Variants in STPG2 observed in about 807,000 individuals in gnomAD.
STPG2 encodes sperm tail PG-rich repeat containing 2.
STPG2 carries 56 observed loss-of-function variants against 54.2 expected under a neutral mutation model. The ratio of observed to expected loss-of-function variants is 1.03; its 90% CI spans 0.83 to 1.29. The LOEUF is 1.29. Among genes scored for constraint, STPG2 ranks in the 50% most tolerant of loss-of-function variants. The pLI is 0.00. For synonymous variants in STPG2, 200 were observed against 181.8 expected, an observed-to-expected ratio of 1.10 and a Z score of -0.81; for missense variants, 596 against 544.9, an observed-to-expected ratio of 1.09 and a Z score of -0.93.
intron 5 of STPG2, among the ~76,000 whole-genome samples, chr4:98,095,222 T>G (rs1738817316): frequency 6.6e-6 from 1 of 151,958 alleles, no homozygotes; most frequent in African/African-American, 2.4e-5. Flanking sequence ...AGAAAATCAC[T>G]TCCACGAAAA....
intron 5 of STPG2, among the ~76,000 whole-genome samples, chr4:98,065,059 C>A (rs1056639926): frequency 6.6e-6 from 1 of 151,968 alleles, no homozygotes; most frequent in Non-Finnish European, 1.5e-5. Context: ...GCCACTAAGA[C>A]CAGCTAATTT....
At chr4:97,661,949 T>C (rs4324551) in intron 10 of STPG2, among the ~76,000 whole-genome samples, 21,088 of 152,132 alleles carry the variant, frequency 0.14, 4,250 homozygotes, top group African/African-American at 0.44. Context: ...TATTGGAGTA[T>C]AGAAGTTCTA....
At chr4:97,584,287 A>G (rs72889099) in intron 10 of STPG2, among the ~76,000 whole-genome samples, 20,163 of 151,940 alleles carry the variant, frequency 0.13, 4,122 homozygotes, top group African/African-American at 0.44. Flanking sequence ...GGATCTTTGC[A>G]TCAACAATGA....
chr4:97,497,845 C>T (rs1730642980), intron 4 of STPG2, among the ~76,000 whole-genome samples: 1 of 151,796 alleles, frequency 6.6e-6, no homozygotes, highest in Non-Finnish European at 1.5e-5. Flanking sequence ...CATACACATT[C>T]TTCTGATGCC....
chr4:97,848,916 C>T (rs1471848619), intron 8 of STPG2, among the ~76,000 whole-genome samples: 10 of 150,262 alleles, frequency 6.7e-5, no homozygotes, highest in Admixed American at 3.3e-4. Context: ...TGTAGTATAG[C>T]TTGAAGTCAG....
intron 4 of STPG2, among the ~76,000 whole-genome samples, chr4:97,467,837 C>T (rs1270254830): frequency 6.8e-6 from 1 of 147,870 alleles, no homozygotes; most frequent in Non-Finnish European, 1.5e-5. Flanking sequence ...ATTAAAGCTG[C>T]TTTTGCTTTT....
At chr4:97,913,098 C>T (rs1022253375) in intron 8 of STPG2, among the ~76,000 whole-genome samples, 13 of 152,206 alleles carry the variant, frequency 8.5e-5, no homozygotes, top group Middle Eastern at 3.4e-3. Flanking sequence ...CAGCTTTATT[C>T]TGAAAATAGT....
chr4:97,803,058 G>A (rs59836368), intron 9 of STPG2, among the ~76,000 whole-genome samples: 19,426 of 151,992 alleles, frequency 0.13, 1,899 homozygotes, highest in African/African-American at 0.26. Context: ...GATTGTGCCA[G>A]GAATAAGAAA....
At chr4:97,547,023 AT>A (rs941294912) in intron 4 of STPG2, among the ~76,000 whole-genome samples, 1 of 152,172 alleles carries the variant, frequency 6.6e-6, no homozygotes, top group Non-Finnish European at 1.5e-5. Context: ...TTTAAAAAAA[AT>A]ATTTTTCAAG....
intron 7 of STPG2, among the ~76,000 whole-genome samples, chr4:97,967,689 C>T (rs542196085): frequency 1.3e-5 from 2 of 152,298 alleles, no homozygotes; most frequent in South Asian, 4.1e-4. Context: ...CAAATTAGAA[C>T]TCAGGATTAA....
chr4:98,060,617 A>G (rs10032987), intron 5 of STPG2, among the ~76,000 whole-genome samples: 2 of 152,040 alleles, frequency 1.3e-5, no homozygotes, highest in South Asian at 2.1e-4. Flanking sequence ...AGGCAATCCT[A>G]AGCAAAAAGA....
intron 5 of STPG2, among the ~76,000 whole-genome samples, chr4:98,006,496 T>G (rs1278291829): frequency 1.3e-5 from 2 of 152,188 alleles, no homozygotes; most frequent in African/African-American, 4.8e-5. Flanking sequence ...CAGCCTCATA[T>G]CAAGCTGGGA....
rs371492076 is a variant in STPG2 at position 98,133,975 on chromosome 4, A to T, written c.222+372T>A. Among the ~76,000 whole-genome samples, 16 of 152,106 alleles carry T rather than the reference A, an allele frequency of 1.1e-4. 1 individual carries two copies. Among genetic ancestry groups the T allele is most frequent in the African/African-American group, 3.8e-4 (16 of 41,578 alleles). ...GACAGATGAGACAATGGCAATGGCT[A>T]TAGCTTTAAAGCATGGCACAAAAAC... On this transcript the variant is annotated intron_variant, in intron 2 of 10. Transcript: ENST00000295268.
chr4:97,638,370 A>G, intron 10 of STPG2, among the ~76,000 whole-genome samples: 1 of 152,176 alleles, frequency 6.6e-6, no homozygotes, highest in Non-Finnish European at 1.5e-5. Context: ...CTTAAACATT[A>G]GACCTAAAAC....
At chr4:97,679,295 C>T (rs1033896881) in intron 10 of STPG2, among the ~76,000 whole-genome samples, 10 of 151,820 alleles carry the variant, frequency 6.6e-5, no homozygotes, top group African/African-American at 2.4e-4. Flanking sequence ...CTGTTGTTTC[C>T]TGACTTTTTA....
intron 9 of STPG2, among the ~76,000 whole-genome samples, chr4:97,726,628 C>T (rs1336919339): frequency 4.6e-5 from 7 of 151,876 alleles, no homozygotes; most frequent in Non-Finnish European, 1.0e-4. Flanking sequence ...AAGATTATGG[C>T]TTTGGTGCCA....
intron 9 of STPG2, among the ~76,000 whole-genome samples, chr4:97,730,220 G>T (rs1026977823): frequency 6.6e-6 from 1 of 152,068 alleles, no homozygotes; most frequent in Non-Finnish European, 1.5e-5. Flanking sequence ...TGTACCCAGT[G>T]TTTAAATCCC....
intron 8 of STPG2, among the ~76,000 whole-genome samples, chr4:97,931,681 T>A (rs1203621369): frequency 6.6e-6 from 1 of 151,960 alleles, no homozygotes; most frequent in Non-Finnish European, 1.5e-5. Context: ...GTTGTTGTTG[T>A]TTGTTGTTTT....
intron 8 of STPG2, among the ~76,000 whole-genome samples, chr4:97,872,709 TA>T (rs1394013161): frequency 6.6e-6 from 1 of 150,916 alleles, no homozygotes; most frequent in Non-Finnish European, 1.5e-5. Context: ...ATAAATTTAA[TA>T]AAAACAATCA....
Sources: allele counts gnomAD v4.1 joint callset (sites outside exome capture counted in the v4.1 genomes callset), GRCh38; gene constraint gnomAD v4.1.1; transcripts MANE v1.5; gene names NCBI Gene and HGNC (gene_info 2026-07-23, HGNC 2026-07-21).